XIAP: variants seen among roughly 807,000 people sequenced by gnomAD.
XIAP encodes E3 ubiquitin-protein ligase XIAP.
In XIAP, 3 loss-of-function variants were observed where a neutral mutation model predicts 33.1. The ratio of observed to expected loss-of-function variants is 0.09; its 90% CI spans 0.04 to 0.23. The LOEUF (loss-of-function observed/expected upper bound fraction) is 0.23. Among genes scored for constraint, XIAP ranks in the 10% least tolerant of loss-of-function variants. The probability of loss-of-function intolerance (pLI) is 1.00; values close to 1 mark genes in which losing one functional copy is unlikely to be tolerated. For synonymous variants in XIAP, 98 were observed against 121.3 expected, an observed-to-expected ratio of 0.81 and a Z score of 1.26; for missense variants, 264 against 363.0, an observed-to-expected ratio of 0.73 and a Z score of 2.22.
At position 123,912,096 on chromosome X, in the gene XIAP, T is replaced by C. The variant is rs1426848750; in HGVS notation, c.*4915T>C. The C allele has an allele frequency of 3.1e-6, 1 of 325,651 alleles. No individual in the cohort carries two copies. Among genetic ancestry groups the C allele is most frequent in the African/African-American group, 2.7e-5 (1 of 37,121 alleles). 26.8% of individuals were successfully genotyped at this position (325,651 alleles called of 1,213,427 possible). ...CCACTGTACCATAACTTTCACTACA[T>C]ATTAAATGACACTTTATAACTAATA... On this transcript the variant is annotated 3_prime_UTR_variant, in exon 7 of 7. Coordinates refer to ENST00000371199, the MANE Select transcript of XIAP (RefSeq NM_001167.4).
At chrX:123,902,624 G>A (rs1200824503) in intron 6 of XIAP, among the ~76,000 whole-genome samples, 1 of 111,223 alleles carries the variant, frequency 9.0e-6, no homozygotes, top group Non-Finnish European at 1.9e-5. Context: ...AAATAGTACC[G>A]AATCAGTATC....
chrX:123,893,610 T>A (rs1166779623), intron 5 of XIAP, among the ~76,000 whole-genome samples: 2 of 111,399 alleles, frequency 1.8e-5, no homozygotes, highest in African/African-American at 6.5e-5. Context: ...ACACCTGTAA[T>A]CCCAGCACTT....
At chrX:123,895,763 C>CT (rs202012632) in intron 5 of XIAP, among the ~76,000 whole-genome samples, 215 of 98,448 alleles carry the variant, frequency 2.2e-3, no homozygotes, top group Middle Eastern at 9.9e-3. Flanking sequence ...TCTCCTTTGA[C>CT]TTTTTTTTTT....
chrX:123,889,114 T>C (rs1226692743), intron 3 of XIAP, among the ~76,000 whole-genome samples: 1 of 95,638 alleles, frequency 1.0e-5, no homozygotes, highest in African/African-American at 3.9e-5. Context: ...TTTTTTGATA[T>C]GGAGTCTCAC....
At chrX:123,893,751 G>C (rs773398122) in intron 5 of XIAP, among the ~76,000 whole-genome samples, 1 of 111,562 alleles carries the variant, frequency 9.0e-6, no homozygotes, top group Non-Finnish European at 1.9e-5. Flanking sequence ...CGAGGCGGGA[G>C]AATCGCTTGA....
intron 5 of XIAP, among the ~76,000 whole-genome samples, chrX:123,900,125 G>T: frequency 8.9e-6 from 1 of 112,127 alleles, no homozygotes; most frequent in South Asian, 3.7e-4. Flanking sequence ...AATTGCTAGT[G>T]ACTCAGTAAC....
At chrX:123,880,835 A>ACATTCCCACATTCT (rs1412562744) in intron 1 of XIAP, among the ~76,000 whole-genome samples, 1 of 109,107 alleles carries the variant, frequency 9.2e-6, no homozygotes, top group Non-Finnish European at 1.9e-5. Flanking sequence ...CCCCACCTCC[A>ACATTCCCACATTCT]CATTCCCACA....
rs2053255878 is a variant in XIAP, at chrX:123,877,374, G to A, written c.-32-8257G>A. Among the ~76,000 whole-genome samples, 4 of 111,697 alleles carry A rather than the reference G, an allele frequency of 3.6e-5. No individual in the cohort carries two copies. The Admixed American group carries it at 3.8e-4, about 11-fold the overall frequency. On this transcript the variant is annotated intron_variant, in intron 1 of 6. Transcript: ENST00000371199. ...GAGCCACCACGCCCGGCCATTAACT[G>A]CTTTTTACAACACAAACTATACCTG...
intron 1 of XIAP, among the ~76,000 whole-genome samples, chrX:123,881,437 A>G (rs1242090457): frequency 9.0e-6 from 1 of 111,039 alleles, no homozygotes; most frequent in Non-Finnish European, 1.9e-5. Flanking sequence ...TCTGTCTTTC[A>G]TCAGTCATCC....
In XIAP at chrX:123,866,859, T is replaced by G. The variant is rs140412702; in HGVS notation, c.-33+6566T>G. The stretch of plus-strand genomic sequence containing the variant: ...ACCTGGCTTATTTTATTTTATGTAT[T>G]TATTTATTTTTCTGAGACGGAGTCT... On this transcript the variant is annotated intron_variant, in intron 1 of 6. Coordinates refer to ENST00000371199, the MANE Select transcript of XIAP (RefSeq NM_001167.4). Among the ~76,000 whole-genome samples the G allele has an allele frequency of 9.0e-3, 959 of 106,832 alleles. 11 individuals carry two copies. The highest frequency in any genetic ancestry group is 0.031 in the African/African-American group (899 of 29,412). 92.8% of individuals were successfully genotyped at this position (106,832 alleles called of 115,157 possible). A position where few individuals can be genotyped will look rare whatever the true frequency, so the allele number is the denominator to read the frequency against.
At position 123,913,830 on chromosome X, in the gene XIAP, T is replaced by C; in HGVS notation, c.*6649T>C. The C allele has an allele frequency of 6.2e-6, 2 of 322,015 alleles. No homozygotes were observed. The highest frequency in any genetic ancestry group is 1.2e-5 in the Non-Finnish European group (2 of 167,944). 26.5% of individuals were successfully genotyped at this position (322,015 alleles called of 1,213,427 possible). On this transcript the variant is annotated 3_prime_UTR_variant, in exon 7 of 7. Coordinates refer to ENST00000371199, the MANE Select transcript of XIAP (RefSeq NM_001167.4). ...GAGTACTATATTTGTGAATATAATTTTATGGTTTTTTTCACTTAGAACCTT... is the reference window on the plus strand; with the variant it reads ...GAGTACTATATTTGTGAATATAATTCTATGGTTTTTTTCACTTAGAACCTT...
chrX:123,862,160 C>T (rs1392050445), intron 1 of XIAP, among the ~76,000 whole-genome samples: 1 of 109,333 alleles, frequency 9.1e-6, no homozygotes, highest in Non-Finnish European at 1.9e-5. Context: ...TCACTGCAGC[C>T]TCCGCCTCCT....
rs776823605 is a variant in XIAP at position 123,891,326 on chromosome X, A to G, written c.1056+10A>G. The G allele has an allele frequency of 7.0e-6, 6 of 859,227 alleles. No homozygotes were observed. Among genetic ancestry groups the G allele is most frequent in the African/African-American group, 2.0e-5 (1 of 49,730 alleles). The allele number at this position is 859,227 out of a possible 1,213,427, so 70.8% of individuals were successfully genotyped here. A position where few individuals can be genotyped will look rare whatever the true frequency, so the allele number is the denominator to read the frequency against. Reference sequence around the variant, plus strand: ...ACTTGAGGAGTGTCTGGTAAGTCTCATATAATTTATATTTTCAAATTCACA... The same window carrying G: ...ACTTGAGGAGTGTCTGGTAAGTCTCGTATAATTTATATTTTCAAATTCACA... On this transcript the variant is annotated intron_variant, in intron 4 of 6. Transcript: ENST00000371199.
chrX:123,874,869 A>ATTTTTTT (rs773693860), intron 1 of XIAP, among the ~76,000 whole-genome samples: 15 of 42,747 alleles, frequency 3.5e-4, no homozygotes, highest in Non-Finnish European at 4.4e-4. Context: ...TAATTCTTGT[A>ATTTTTTT]TTTTTTTTTT....
At chrX:123,861,782 T>C (rs1203637120) in intron 1 of XIAP, among the ~76,000 whole-genome samples, 1 of 111,969 alleles carries the variant, frequency 8.9e-6, no homozygotes, top group Non-Finnish European at 1.9e-5. Context: ...TGGTTTGTAC[T>C]GTAAAATCCG....
At chrX:123,868,471 T>C (rs1008614052) in intron 1 of XIAP, among the ~76,000 whole-genome samples, 1 of 111,959 alleles carries the variant, frequency 8.9e-6, no homozygotes, top group Non-Finnish European at 1.9e-5. Context: ...GGCTCATGCC[T>C]TTAATCCCAG....
intron 1 of XIAP, among the ~76,000 whole-genome samples, chrX:123,869,020 A>G: frequency 9.0e-6 from 1 of 110,766 alleles, no homozygotes; most frequent in Middle Eastern, 4.6e-3. Flanking sequence ...GATATGGGTC[A>G]TAGTGAAAAG....
intron 1 of XIAP, among the ~76,000 whole-genome samples, chrX:123,869,362 CAAAAA>C (rs57436822): frequency 3.4e-5 from 1 of 29,723 alleles, no homozygotes; most frequent in Non-Finnish European, 5.6e-5. Context: ...TAAAAAAATA[CAAAAA>C]AAAAAAAAAA....
intron 5 of XIAP, among the ~76,000 whole-genome samples, chrX:123,894,073 AC>A (rs774282505): frequency 2.4e-4 from 27 of 111,481 alleles, no homozygotes; most frequent in Non-Finnish European, 4.0e-4. Flanking sequence ...ATAAGCCCTA[AC>A]CCACCTGCTT....
Sources: gnomAD v4.1 joint callset for allele counts (sites outside exome capture counted in the v4.1 genomes callset) on GRCh38, gnomAD v4.1.1 for gene constraint, MANE v1.5 for transcripts, NCBI Gene and HGNC (gene_info 2026-07-23, HGNC 2026-07-21) for gene names.